Variants in LEMD2 observed in about 807,000 individuals in gnomAD.
The protein encoded by LEMD2 is LEM domain-containing protein 2.
Under a neutral mutation model 58.8 loss-of-function variants are expected in LEMD2, and 34 were observed. The ratio of observed to expected loss-of-function variants is 0.58; its 90% confidence interval spans 0.44 to 0.77. The LOEUF (loss-of-function observed/expected upper bound fraction) is 0.77. Among genes scored for constraint, LEMD2 ranks in the 30% least tolerant of loss-of-function variants. LEMD2 has a pLI of 0.00. For missense variants in LEMD2, 629 were observed against 717.9 expected, an observed-to-expected ratio of 0.88 and a Z score of 1.42; for synonymous variants, 298 against 308.9, an observed-to-expected ratio of 0.96 and a Z score of 0.37.
intron 8 of LEMD2, among the ~76,000 whole-genome samples, chr6:33,773,481 A>C (rs944503641): frequency 6.6e-6 from 1 of 151,710 alleles, no homozygotes; most frequent in Non-Finnish European, 1.5e-5. Context: ...GCCTTTTCTC[A>C]TCACTGCAGC....
Position 33,772,573 on chromosome 6 carries a change from T to C in LEMD2, c.*55A>G, listed in dbSNP as rs1767325121. On this transcript the variant is annotated 3_prime_UTR_variant, in exon 9 of 9. Transcript: ENST00000293760. ...GCAGGCCTGGTGACCCTCCTGTGCC[T>C]CTGGAGTGGGCTGTCCTGGGACAGG... is the stretch of plus-strand genomic sequence containing the variant. 2 of 1,562,820 alleles carry C rather than the reference T, an allele frequency of 1.3e-6. No individual in the cohort carries two copies. Among genetic ancestry groups the C allele is most frequent in the African/African-American group, 1.4e-5 (1 of 74,026 alleles).
chr6:33,788,750 G>A lies in LEMD2; in HGVS notation c.367C>T (p.Pro123Ser). 5 of 1,447,030 alleles carry A rather than the reference G, an allele frequency of 3.5e-6. No individual in the cohort carries two copies. The highest frequency in any genetic ancestry group is 4.5e-6 in the Non-Finnish European group (5 of 1,102,262). 89.6% of individuals were successfully genotyped at this position (1,447,030 alleles called of 1,614,324 possible). The change falls in exon 1 of 9, where the codon CCT (proline) becomes TCT (serine). Residue 123 changes from proline (P) to serine (S), a missense_variant. By Grantham distance (74) the Pro-to-Ser change is moderately conservative (BLOSUM62 -1). Coordinates refer to ENST00000293760, the MANE Select transcript of LEMD2 (RefSeq NM_181336.4). ...CGCCTGAGTTGCGCCGGGCGGGCAGGATAGGCGAGGCCGCGGCTCCCTACC... is the reference window on the plus strand; with the variant it reads ...CGCCTGAGTTGCGCCGGGCGGGCAGAATAGGCGAGGCCGCGGCTCCCTACC... ...SWVGSRGLAY[P>S]ARPAQLRRRA...
Position 33,778,397 on chromosome 6 carries a change from G to T in LEMD2, c.1011-10C>A, listed in dbSNP as rs1157879066. 1 of 1,526,860 alleles carries T rather than the reference G, an allele frequency of 6.5e-7. No individual in the cohort carries two copies. Among genetic ancestry groups the T allele is most frequent in the South Asian group, 1.3e-5 (1 of 78,524 alleles). The allele number at this position is 1,526,860 out of a possible 1,614,324, so 94.6% of individuals were successfully genotyped here. ...GTCTTCTCCTTTCAACCTGAAACAG[G>T]ACACAGGGCTCTGAACATGTTGGAA... is the stretch of plus-strand genomic sequence containing the variant. On this transcript the variant is annotated splice_polypyrimidine_tract_variant and intron_variant, in intron 5 of 8. Transcript: ENST00000293760. This position sits in a 1 kb window ranked among gnomAD's most constrained non-coding sequence, Gnocchi z 4.7.
intron 1 of LEMD2, among the ~76,000 whole-genome samples, chr6:33,787,307 T>G (rs1767700284): frequency 6.6e-6 from 1 of 151,468 alleles, no homozygotes; most frequent in Non-Finnish European, 1.5e-5. Context: ...CTCCCAGGTC[T>G]CCTTAATTTC....
chr6:33,781,103 C>T lies in LEMD2; in HGVS notation c.904G>A (p.Val302Ile). ...GCTATATATTCTTGGGCTTCCATAA[C>T]AGGAATGCATTTGCTTTTTAGATTC... is the stretch of plus-strand genomic sequence containing the variant. ...PENLKSKCIPVMEAQEYIANV... is the reference protein window; with the variant it reads ...PENLKSKCIPIMEAQEYIANV... Residue 302 changes from valine (V) to isoleucine (I), a missense_variant, in exon 4 of 9, where the codon GTT (valine) becomes ATT (isoleucine). Physicochemically the swap from Val to Ile is conservative, Grantham distance 29. Around this residue, in one of 2 missense-constraint regions of LEMD2, gnomAD observed 243 missense variants for 336.8 expected, o/e 0.72. Transcript: ENST00000293760. 6.2e-7 allele frequency: 1 copy of T among 1,613,396 alleles called. No homozygotes were observed.
In LEMD2 at chr6:33,776,860, A is replaced by T. The variant is rs1467595322; in HGVS notation, c.1361+94T>A. ...CTGGGGTCTGCACTGCCCTCAGCTG[A>T]CATCTGATGCAAGGCTCTGGGTTTC... On this transcript the variant is annotated intron_variant, in intron 8 of 8. Coordinates refer to ENST00000293760, the MANE Select transcript of LEMD2 (RefSeq NM_181336.4). 1.9e-5 allele frequency: 19 copies of T among 1,001,454 alleles called. No individual in the cohort carries two copies. In the Admixed American group the frequency reaches 2.1e-4, roughly 11 times the overall value. 62.0% of individuals were successfully genotyped at this position (1,001,454 alleles called of 1,614,324 possible). A position where few individuals can be genotyped will look rare whatever the true frequency, so the allele number is the denominator to read the frequency against.
At chr6:33,774,732 T>C (rs957474949) in intron 8 of LEMD2, among the ~76,000 whole-genome samples, 3 of 152,226 alleles carry the variant, frequency 2.0e-5, no homozygotes, top group African/African-American at 7.2e-5. Context: ...GCCTGGCTAC[T>C]AGGCAGTGAC....
In LEMD2 at chr6:33,778,523, C is replaced by T; in HGVS notation, c.1011-136G>A. On this transcript the variant is annotated intron_variant, in intron 5 of 8. Coordinates refer to ENST00000293760, the MANE Select transcript of LEMD2 (RefSeq NM_181336.4). This position sits in a 1 kb window ranked among gnomAD's most constrained non-coding sequence, Gnocchi z 4.7. ...CTTGCTTATAGAATAGGCTTGGTAT[C>T]CTGGCTGCATTCTTTCCAGAAATTT... 3.4e-6 allele frequency: 2 copies of T among 590,588 alleles called. No homozygotes were observed. The highest frequency in any genetic ancestry group is 5.4e-6 in the Non-Finnish European group (2 of 368,996). The allele number at this position is 590,588 out of a possible 1,614,324, so 36.6% of individuals were successfully genotyped here.
At position 33,788,650 on chromosome 6, in the gene LEMD2, C is replaced by T; in HGVS notation, c.467G>A (p.Gly156Asp). The T allele has an allele frequency of 7.7e-7, 1 of 1,291,772 alleles. No individual in the cohort carries two copies. Among genetic ancestry groups the T allele is most frequent in the Non-Finnish European group, 9.8e-7 (1 of 1,022,852 alleles). The allele number at this position is 1,291,772 out of a possible 1,614,324, so 80.0% of individuals were successfully genotyped here. ...RTPDRATQGP[G>D]LAARRWWAAS... ...TGCCCACCAGCGGCGGGCCGCGAGA[C>T]CCGGGCCCTGCGTGGCCCTGTCGGG... Residue 156 changes from glycine (G) to aspartate (D), a missense_variant, in exon 1 of 9, where the codon GGT (glycine) becomes GAT (aspartate). This residue lies in a region of LEMD2 where 386 missense variants were observed against 381.1 expected (regional missense o/e 1.01). Coordinates refer to ENST00000293760, the MANE Select transcript of LEMD2 (RefSeq NM_181336.4).
intron 5 of LEMD2, chr6:33,779,684 C>T (rs1156350646): frequency 6.1e-6 from 1 of 164,376 alleles, no homozygotes; most frequent in Non-Finnish European, 1.3e-5. Context: ...TTTCCTTATG[C>T]GATTTCCATA....
intron 3 of LEMD2, among the ~76,000 whole-genome samples, chr6:33,784,094 C>T (rs1009387769): frequency 5.3e-5 from 8 of 152,234 alleles, no homozygotes; most frequent in African/African-American, 1.9e-4. Flanking sequence ...AGAACAGCTG[C>T]AGGAAGGCCT....
At chr6:33,787,688 T>C (rs1767712091) in intron 1 of LEMD2, among the ~76,000 whole-genome samples, 1 of 152,258 alleles carries the variant, frequency 6.6e-6, no homozygotes, top group Non-Finnish European at 1.5e-5. Flanking sequence ...TACTGTATCC[T>C]GCAGACCTCT....
At chr6:33,774,149 C>A (rs1767374027) in intron 8 of LEMD2, among the ~76,000 whole-genome samples, 1 of 151,406 alleles carries the variant, frequency 6.6e-6, no homozygotes, top group African/African-American at 2.4e-5. Context: ...TTGGATGATG[C>A]CCACGTGCTA....
intron 8 of LEMD2, among the ~76,000 whole-genome samples, chr6:33,775,825 T>G (rs1191675573): frequency 3.3e-5 from 5 of 152,184 alleles, no homozygotes; most frequent in Non-Finnish European, 7.4e-5. Context: ...GAGGACCAAG[T>G]GAGTGAGTTT....
intron 8 of LEMD2, among the ~76,000 whole-genome samples, chr6:33,776,380 G>A (rs11754690): frequency 0.22 from 32,749 of 152,092 alleles, 3,769 homozygotes; most frequent in Admixed American, 0.29. Context: ...TGTGTCACTG[G>A]AGGCTACTGG....
At position 33,778,476 on chromosome 6, in the gene LEMD2, A is replaced by C. The variant is rs1767489366; in HGVS notation, c.1011-89T>G. The C allele has an allele frequency of 8.8e-7, 1 of 1,136,192 alleles. No individual in the cohort carries two copies. 70.4% of individuals were successfully genotyped at this position (1,136,192 alleles called of 1,614,324 possible). ...ACTTCAAACAGGAGGAAGCGAAGGA[A>C]AGTGGGGACGCAAGGCCTCTACTTG... On this transcript the variant is annotated intron_variant, in intron 5 of 8. Coordinates refer to ENST00000293760, the MANE Select transcript of LEMD2 (RefSeq NM_181336.4). The surrounding 1 kb of genome is among the most constrained non-coding windows in gnomAD (Gnocchi z 4.7).
chr6:33,788,367 G>C lies in LEMD2; in HGVS notation c.736+14C>G. 2 of 1,549,086 alleles carry C rather than the reference G, an allele frequency of 1.3e-6. No homozygotes were observed. The highest frequency in any genetic ancestry group is 2.7e-5 in the African/African-American group (2 of 72,778). ...CGCGCCCAGGGCCCTCCCCTGCGCC[G>C]GCCCAGGACGTACTGTTGTCCTCCG... is the stretch of plus-strand genomic sequence containing the variant. On this transcript the variant is annotated intron_variant, in intron 1 of 8. Coordinates refer to ENST00000293760, the MANE Select transcript of LEMD2 (RefSeq NM_181336.4).
rs1767489847 is a variant in LEMD2, at chr6:33,778,493, C to G, written c.1011-106G>C. 1.2e-6 allele frequency: 1 copy of G among 847,862 alleles called. No homozygotes were observed. Among genetic ancestry groups the G allele is most frequent in the South Asian group, 2.7e-5 (1 of 36,870 alleles). 52.5% of individuals were successfully genotyped at this position (847,862 alleles called of 1,614,324 possible). A position where few individuals can be genotyped will look rare whatever the true frequency, so the allele number is the denominator to read the frequency against. On this transcript the variant is annotated intron_variant, in intron 5 of 8. Coordinates refer to ENST00000293760, the MANE Select transcript of LEMD2 (RefSeq NM_181336.4). The surrounding 1 kb of genome is among the most constrained non-coding windows in gnomAD (Gnocchi z 4.7). ...GCGAAGGAAAGTGGGGACGCAAGGC[C>G]TCTACTTGCTTATAGAATAGGCTTG...
chr6:33,777,465 G>C, intron 6 of LEMD2, among the ~76,000 whole-genome samples: 1 of 152,224 alleles, frequency 6.6e-6, no homozygotes, highest in African/African-American at 2.4e-5. Flanking sequence ...TCACCACAGC[G>C]GCATCCCCAG....
Sources: allele counts gnomAD v4.1 joint callset (sites outside exome capture counted in the v4.1 genomes callset), GRCh38; gene constraint gnomAD v4.1.1; regional missense constraint gnomAD v4.1.1; non-coding constraint Gnocchi (gnomAD v3.1); transcripts MANE v1.5; gene names NCBI Gene and HGNC (gene_info 2026-07-23, HGNC 2026-07-21).